Variants in SGCZ observed in about 807,000 individuals in gnomAD.
The protein encoded by SGCZ is sarcoglycan zeta.
A neutral mutation model predicts 41.3 loss-of-function variants in SGCZ; 40 were observed. That is an observed-to-expected ratio of 0.97 (90% CI 0.75 to 1.26). The LOEUF (loss-of-function observed/expected upper bound fraction) is 1.26, where lower values mean the gene tolerates loss of function less well. Ranked by LOEUF, SGCZ falls within the 50% of genes most tolerant of loss-of-function variation. The pLI is 0.00. For synonymous variants in SGCZ, 206 were observed against 137.5 expected, an observed-to-expected ratio of 1.50 and a Z score of -3.49; for missense variants, 552 against 369.8, an observed-to-expected ratio of 1.49 and a Z score of -4.04.
intron 1 of SGCZ, among the ~76,000 whole-genome samples, chr8:15,146,069 G>T (rs1799027650): frequency 6.6e-6 from 1 of 151,848 alleles, no homozygotes; most frequent in African/African-American, 2.4e-5. Context: ...AGAAGTGAGA[G>T]GGGCTAAAAA....
rs566770524 is a variant in SGCZ at position 14,092,712 on chromosome 8, T to C, written c.745-2075A>G. 3.9e-5 allele frequency among the ~76,000 whole-genome samples: 6 copies of C among 152,208 alleles called. No individual in the cohort carries two copies. In the East Asian group the frequency reaches 1.2e-3, roughly 30 times the overall value. On this transcript the variant is annotated intron_variant, in intron 7 of 7. Coordinates refer to ENST00000382080, the MANE Select transcript of SGCZ (RefSeq NM_139167.4). ...CTCTCTTGCCTGCCACCACATAAGA[T>C]GCGCCTTTTGCCTTCTGCCATGATG...
chr8:14,486,675 G>A (rs571600161), intron 2 of SGCZ, among the ~76,000 whole-genome samples: 3 of 152,224 alleles, frequency 2.0e-5, no homozygotes, highest in African/African-American at 7.2e-5. Context: ...CTGGGATCAA[G>A]CAATGCTGCG....
intron 1 of SGCZ, among the ~76,000 whole-genome samples, chr8:14,561,106 T>C (rs1322250248): frequency 1.3e-5 from 2 of 152,244 alleles, no homozygotes; most frequent in East Asian, 1.9e-4. Flanking sequence ...GCTGTTTTAG[T>C]GCAATAGTAG....
In SGCZ at chr8:14,214,758, T is replaced by C. The variant is rs375453213; in HGVS notation, c.424+22834A>G. Among the ~76,000 whole-genome samples, 26 of 151,930 alleles carry C rather than the reference T, an allele frequency of 1.7e-4. No homozygotes were observed. In the South Asian group the frequency reaches 5.4e-3, roughly 32 times the overall value. The stretch of plus-strand genomic sequence containing the variant: ...AGATAATATTATAAAGCAAAGAATA[T>C]TACCCGGACAAAAAAAAGGACATTA... On this transcript the variant is annotated intron_variant, in intron 4 of 7. Coordinates refer to ENST00000382080, the MANE Select transcript of SGCZ (RefSeq NM_139167.4).
intron 2 of SGCZ, among the ~76,000 whole-genome samples, chr8:14,348,087 C>G (rs1040452420): frequency 1.3e-5 from 2 of 152,006 alleles, no homozygotes; most frequent in African/African-American, 4.8e-5. Flanking sequence ...AGACTTCTCC[C>G]CAACCCAAGG....
At chr8:14,348,217 C>T (rs1802959124) in intron 2 of SGCZ, among the ~76,000 whole-genome samples, 1 of 152,092 alleles carries the variant, frequency 6.6e-6, no homozygotes, top group South Asian at 2.1e-4. Context: ...CTGCACCACT[C>T]CTGCATGTTT....
intron 5 of SGCZ, among the ~76,000 whole-genome samples, chr8:14,120,902 A>G (rs1317719320): frequency 2.0e-5 from 3 of 152,156 alleles, no homozygotes; most frequent in Non-Finnish European, 4.4e-5. Flanking sequence ...ATCATCAATG[A>G]TAGTTTCATG....
At chr8:14,202,201 A>T (rs985141665) in intron 4 of SGCZ, among the ~76,000 whole-genome samples, 7 of 152,028 alleles carry the variant, frequency 4.6e-5, no homozygotes, top group Non-Finnish European at 5.9e-5. Context: ...ATGCAAAACG[A>T]CTCATCCAGC....
At chr8:14,696,125 G>C (rs778814607) in intron 1 of SGCZ, among the ~76,000 whole-genome samples, 2 of 151,894 alleles carry the variant, frequency 1.3e-5, no homozygotes, top group South Asian at 4.2e-4. Context: ...GTAGAAAATT[G>C]CATTTTTCTA....
At chr8:14,683,050 C>T (rs1273293994) in intron 1 of SGCZ, among the ~76,000 whole-genome samples, 1 of 151,942 alleles carries the variant, frequency 6.6e-6, no homozygotes. Context: ...CTATAAGGTA[C>T]AAAATAAGCA....
At chr8:14,314,664 T>A (rs12549343) in intron 3 of SGCZ, among the ~76,000 whole-genome samples, 140,478 of 152,192 alleles carry the variant, frequency 0.92, 64,975 homozygotes, top group Middle Eastern at 0.96. Flanking sequence ...TTCAGTGTTT[T>A]CATCAGTGGG....
rs915461224 is a variant in SGCZ at position 14,991,944 on chromosome 8, C to T, written c.39+245641G>A. On this transcript the variant is annotated intron_variant, in intron 1 of 7. Coordinates refer to ENST00000382080, the MANE Select transcript of SGCZ (RefSeq NM_139167.4). ...CCAGTGTTACCCTTGAATTTTACCT[C>T]TCACCCATCCTCCTCATCCAATCTA... Among the ~76,000 whole-genome samples, 7 of 151,740 alleles carry T rather than the reference C, an allele frequency of 4.6e-5. No homozygotes were observed. In the South Asian group the frequency reaches 6.3e-4, roughly 14 times the overall value.
chr8:14,776,518 C>CTTTT (rs35602866), intron 1 of SGCZ, among the ~76,000 whole-genome samples: 11 of 116,632 alleles, frequency 9.4e-5, no homozygotes, highest in Non-Finnish European at 1.7e-4. Flanking sequence ...TTTTCTTTTT[C>CTTTT]TTTTTTTTTT....
chr8:14,302,045 C>A (rs1801208820), intron 3 of SGCZ, among the ~76,000 whole-genome samples: 1 of 152,152 alleles, frequency 6.6e-6, no homozygotes, highest in Admixed American at 6.5e-5. Context: ...TTTTCACACA[C>A]ATTGTGACCT....
chr8:14,274,431 G>C (rs921687512), intron 3 of SGCZ, among the ~76,000 whole-genome samples: 2 of 151,994 alleles, frequency 1.3e-5, no homozygotes, highest in Non-Finnish European at 2.9e-5. Flanking sequence ...ACTCAGATAG[G>C]GTTTAACAAG....
intron 1 of SGCZ, among the ~76,000 whole-genome samples, chr8:15,171,345 G>A (rs898901957): frequency 3.9e-5 from 6 of 152,192 alleles, no homozygotes; most frequent in African/African-American, 1.2e-4. Flanking sequence ...TCATGCTTGA[G>A]TAGCTGGAAA....
At chr8:14,913,441 G>C (rs2130780159) in intron 1 of SGCZ, among the ~76,000 whole-genome samples, 1 of 152,042 alleles carries the variant, frequency 6.6e-6, no homozygotes, top group Non-Finnish European at 1.5e-5. Flanking sequence ...TTCCATAAGA[G>C]CTATGAGATG....
chr8:15,111,900 C>CA (rs59606190), intron 1 of SGCZ, among the ~76,000 whole-genome samples: 43,257 of 140,526 alleles, frequency 0.31, 6,854 homozygotes, highest in African/African-American at 0.43. Flanking sequence ...CTCCGTCTCC[C>CA]AAAAAAAAAA....
chr8:14,249,214 T>C (rs113113025), intron 3 of SGCZ, among the ~76,000 whole-genome samples: 28 of 152,316 alleles, frequency 1.8e-4, no homozygotes, highest in African/African-American at 6.5e-4. Context: ...TCTGCCTGAC[T>C]GTCTTCAAGC....
Sources: allele counts gnomAD v4.1 joint callset (sites outside exome capture counted in the v4.1 genomes callset), GRCh38; gene constraint gnomAD v4.1.1; transcripts MANE v1.5; gene names NCBI Gene and HGNC (gene_info 2026-07-23, HGNC 2026-07-21).